CORIN: variants seen among roughly 807,000 people sequenced by gnomAD.
CORIN encodes the protein atrial natriuretic peptide-converting enzyme.
Under a neutral mutation model 125.3 loss-of-function variants are expected in CORIN, and 117 were observed. The observed-to-expected ratio is 0.93, with a 90% CI of 0.80 to 1.09. The LOEUF (loss-of-function observed/expected upper bound fraction) is 1.09, where lower values mean the gene tolerates loss of function less well. Among genes scored for constraint, CORIN ranks in the 50% least tolerant of loss-of-function variants. CORIN has a pLI of 0.00. For missense variants in CORIN, 1,253 were observed against 1,306.7 expected (o/e 0.96, Z 0.63); for synonymous variants, 450 against 466.4 (o/e 0.96, Z 0.45).
At chr4:47,778,477 C>T (rs1246415740) in intron 3 of CORIN, among the ~76,000 whole-genome samples, 1 of 152,098 alleles carries the variant, frequency 6.6e-6, no homozygotes, top group African/African-American at 2.4e-5. Context: ...GAACCCAATA[C>T]ATCCTAGGGA....
In CORIN at chr4:47,809,653, G is replaced by A. The variant is rs558469515; in HGVS notation, c.64-2606C>T. 3.9e-5 allele frequency among the ~76,000 whole-genome samples: 6 copies of A among 152,024 alleles called. No individual in the cohort carries two copies. The East Asian group carries it at 1.2e-3, about 29-fold the overall frequency. On this transcript the variant is annotated intron_variant, in intron 1 of 21. Coordinates refer to ENST00000273857, the MANE Select transcript of CORIN (RefSeq NM_006587.4). Reference sequence around the variant, plus strand: ...GAACTCCTGACCCCGTGATCCACCCGCCTCGGCCTCCTAAAGTGCTGGGAT... The same window carrying A: ...GAACTCCTGACCCCGTGATCCACCCACCTCGGCCTCCTAAAGTGCTGGGAT...
In CORIN at chr4:47,600,318, G is replaced by A. The variant is rs751708235; in HGVS notation, c.2842C>T (p.Arg948Cys). 9.9e-6 allele frequency: 16 copies of A among 1,612,220 alleles called. No individual in the cohort carries two copies. The highest frequency in any genetic ancestry group is 1.7e-5 in the Admixed American group (1 of 59,940). Residue 948 changes from arginine to cysteine, a missense_variant, in exon 21 of 22, where the codon CGC becomes TGC. By Grantham distance (180) the Arg-to-Cys change is radical. Transcript: ENST00000273857. The stretch of plus-strand genomic sequence containing the variant: ...TGACAATGTTCCAGAGAAATAATGC[G>A]GACCTCTCCCTCTTGCAGCTTAAAT... ...MPFKLQEGEV[R>C]IISLEHCQSY...
At chr4:47,657,984 T>G (rs1043253915) in intron 12 of CORIN, among the ~76,000 whole-genome samples, 2 of 152,130 alleles carry the variant, frequency 1.3e-5, no homozygotes, top group African/African-American at 2.4e-5. Context: ...CTCTTCTCAG[T>G]TGCTCCCCCA....
Position 47,837,767 on chromosome 4 carries a change from G to C in CORIN, c.63+120C>G, listed in dbSNP as rs572892868. On this transcript the variant is annotated intron_variant, in intron 1 of 21. Transcript: ENST00000273857. The stretch of plus-strand genomic sequence containing the variant: ...CAGAGCGGGAGCTCACCGGCGGCTG[G>C]GGAAGGAGGTGGCATCGGGCGGAGG... 37 of 903,088 alleles carry C rather than the reference G, an allele frequency of 4.1e-5. 1 individual carries two copies. The South Asian group carries it at 4.7e-4, about 11-fold the overall frequency. The allele number at this position is 903,088 out of a possible 1,614,324, so 55.9% of individuals were successfully genotyped here.
chr4:47,690,112 T>A (rs368363928), intron 6 of CORIN, among the ~76,000 whole-genome samples: 2 of 152,060 alleles, frequency 1.3e-5, no homozygotes, highest in African/African-American at 4.8e-5. Flanking sequence ...ATACCTGGAG[T>A]GCTCTTTAAT....
intron 4 of CORIN, among the ~76,000 whole-genome samples, chr4:47,762,896 T>C (rs1729532940): frequency 6.6e-6 from 1 of 152,272 alleles, no homozygotes; most frequent in East Asian, 1.9e-4. Flanking sequence ...TCATAGCACC[T>C]GGCCTGTCCA....
Position 47,820,084 on chromosome 4 carries a change from C to T in CORIN, c.64-13037G>A, listed in dbSNP as rs73814827. Among the ~76,000 whole-genome samples, 1,091 of 152,206 alleles carry T rather than the reference C, an allele frequency of 7.2e-3. 11 individuals are homozygous for T. Among genetic ancestry groups the T allele is most frequent in the African/African-American group, 0.025 (1,028 of 41,514 alleles). On this transcript the variant is annotated intron_variant, in intron 1 of 21. Coordinates refer to ENST00000273857, the MANE Select transcript of CORIN (RefSeq NM_006587.4). ...GGAAAGTGTCACTTTCCTCCCCTCC[C>T]GACACATTCTTCTTTCAAATGGAAC...
At chr4:47,620,654 C>T (rs922651087) in intron 19 of CORIN, among the ~76,000 whole-genome samples, 1 of 152,154 alleles carries the variant, frequency 6.6e-6, no homozygotes, top group Non-Finnish European at 1.5e-5. Context: ...TGCCATAATG[C>T]TAAGGGAAAA....
intron 16 of CORIN, among the ~76,000 whole-genome samples, chr4:47,639,612 C>T (rs1723161061): frequency 1.3e-5 from 2 of 152,212 alleles, no homozygotes; most frequent in African/African-American, 2.4e-5. Context: ...AGAAGGAACA[C>T]CATTCCCACT....
intron 4 of CORIN, among the ~76,000 whole-genome samples, chr4:47,757,905 T>TATATATATATATAC (rs1471519610): frequency 1.1e-4 from 16 of 141,684 alleles, no homozygotes; most frequent in African/African-American, 4.0e-4. Context: ...TATATATATA[T>TATATATATATATAC]ACACAAATAT....
chr4:47,699,646 A>G (rs1019674087), intron 5 of CORIN, among the ~76,000 whole-genome samples: 3 of 152,270 alleles, frequency 2.0e-5, no homozygotes, highest in African/African-American at 7.2e-5. Context: ...TGAGGTGTCT[A>G]TGGAGCATGA....
At chr4:47,836,179 AC>A in intron 1 of CORIN, among the ~76,000 whole-genome samples, 1 of 152,078 alleles carries the variant, frequency 6.6e-6, no homozygotes, top group South Asian at 2.1e-4. Flanking sequence ...ATCTCCTCTA[AC>A]CTCGCAAGCC....
chr4:47,786,679 C>T, intron 3 of CORIN, 46 bp downstream of exon 3: 1 of 1,491,488 alleles, frequency 6.7e-7, no homozygotes, highest in Non-Finnish European at 9.3e-7. Context: ...AAAAACCTAC[C>T]TGTGGGACAT....
intron 5 of CORIN, among the ~76,000 whole-genome samples, chr4:47,738,161 T>A (rs1381699961): frequency 6.6e-6 from 1 of 152,066 alleles, no homozygotes; most frequent in East Asian, 1.9e-4. Flanking sequence ...GAAGATCCCA[T>A]GAATGTGCAG....
At chr4:47,725,308 C>T (rs1358330115) in intron 5 of CORIN, among the ~76,000 whole-genome samples, 2 of 151,698 alleles carry the variant, frequency 1.3e-5, no homozygotes, top group Admixed American at 1.3e-4. Flanking sequence ...CAAAGAACTA[C>T]AACTGAAAAA....
chr4:47,735,691 C>G (rs1728096744), intron 5 of CORIN, among the ~76,000 whole-genome samples: 1 of 151,898 alleles, frequency 6.6e-6, no homozygotes, highest in South Asian at 2.1e-4. Context: ...AAGGCCGAGG[C>G]GGGCGGATCA....
At chr4:47,685,980 C>G (rs1424503741) in intron 6 of CORIN, among the ~76,000 whole-genome samples, 1 of 149,058 alleles carries the variant, frequency 6.7e-6, no homozygotes, top group Non-Finnish European at 1.5e-5. Context: ...TGAATTCCAG[C>G]TGATTGTTTC....
chr4:47,707,074 A>G, intron 5 of CORIN: 8 of 1,426,556 alleles, frequency 5.6e-6, no homozygotes, highest in Non-Finnish European at 7.3e-6. Flanking sequence ...TGTTAAAACT[A>G]GTCTGCAGAT....
At chr4:47,779,159 A>G (rs1265061574) in intron 3 of CORIN, among the ~76,000 whole-genome samples, 1 of 152,264 alleles carries the variant, frequency 6.6e-6, no homozygotes, top group African/African-American at 2.4e-5. Context: ...ATTTATGCTC[A>G]TCCCTATTAT....
Sources: allele counts gnomAD v4.1 joint callset (sites outside exome capture counted in the v4.1 genomes callset), GRCh38; gene constraint gnomAD v4.1.1; transcripts MANE v1.5; gene names NCBI Gene and HGNC (gene_info 2026-07-23, HGNC 2026-07-21).